The following PLA2G2F variants were observed in gnomAD, a reference collection of about 807,000 sequenced individuals.
PLA2G2F encodes phospholipase A2 group IIF.
A neutral mutation model predicts 15.9 loss-of-function variants in PLA2G2F; 17 were observed. The observed-to-expected ratio is 1.07, with a 90% CI of 0.73 to 1.60. The LOEUF (loss-of-function observed/expected upper bound fraction) is 1.60. Among genes scored for constraint, PLA2G2F ranks in the 40% most tolerant of loss-of-function variants. The pLI is 0.00. For missense variants in PLA2G2F, 299 were observed against 278.2 expected, an observed-to-expected ratio of 1.07 and a Z score of -0.53; for synonymous variants, 119 against 106.5, an observed-to-expected ratio of 1.12 and a Z score of -0.72.
intron 3 of PLA2G2F, 124 bp downstream of exon 3, chr1:20,143,714 ATGACTTGG>A (rs2017527432): frequency 1.0e-5 from 13 of 1,252,594 alleles, no homozygotes; most frequent in Non-Finnish European, 1.2e-5. Context: ...AGCTTCTTTG[ATGACTTGG>A]TGACCAGAGC....
Position 20,143,272 on chromosome 1 carries a change from C to T in PLA2G2F, c.170-174C>T, listed in dbSNP as rs2017513385. ...ACATGGTACCTTGCAGATTTCTTTC[C>T]TCTGGCTTAGCTGCCCACGCTTCTT... On this transcript the variant is annotated intron_variant, in intron 2 of 4. Transcript: ENST00000375102. 3.9e-6 allele frequency: 3 copies of T among 759,688 alleles called. No individual in the cohort carries two copies. The South Asian group carries it at 6.0e-5, about 15-fold the overall frequency. 47.1% of individuals were successfully genotyped at this position (759,688 alleles called of 1,614,324 possible). A position where few individuals can be genotyped will look rare whatever the true frequency, so the allele number is the denominator to read the frequency against.
intron 4 of PLA2G2F, among the ~76,000 whole-genome samples, chr1:20,146,166 C>G (rs1037522359): frequency 6.6e-6 from 1 of 152,206 alleles, no homozygotes; most frequent in African/African-American, 2.4e-5. Context: ...TGCAGGGAGG[C>G]TCTGAGACAT....
Position 20,143,604 on chromosome 1 carries a change from G to C in PLA2G2F, c.314+14G>C. The C allele has an allele frequency of 6.2e-7, 1 of 1,611,292 alleles. No homozygotes were observed. Among genetic ancestry groups the C allele is most frequent in the Non-Finnish European group, 8.5e-7 (1 of 1,177,932 alleles). On this transcript the variant is annotated intron_variant, in intron 3 of 4. Coordinates refer to ENST00000375102, the MANE Select transcript of PLA2G2F (RefSeq NM_022819.4). ...TGAGGTGGACTGGTAGGTACCAGAG[G>C]CCTGGGCTCCTGTCAGGGGCCAAAT...
At position 20,144,641 on chromosome 1, in the gene PLA2G2F, G is replaced by A; in HGVS notation, c.376G>A (p.Val126Met). Residue 126 changes from valine to methionine, a missense_variant, in exon 4 of 5, where the codon GTG becomes ATG. Coordinates refer to ENST00000375102, the MANE Select transcript of PLA2G2F (RefSeq NM_022819.4). ...CTTTGACCAAGGCTGTCACCCCTAT[G>A]TGGACCACTATGATCACACCATCGA... ...ELFDQGCHPY[V>M]DHYDHTIENN... The A allele has an allele frequency of 6.2e-7, 1 of 1,612,250 alleles. No individual in the cohort carries two copies.
chr1:20,140,395 C>T, intron 2 of PLA2G2F, 177 bp downstream of exon 2: 1 of 626,476 alleles, frequency 1.6e-6, no homozygotes, highest in East Asian at 2.9e-5. Context: ...TTTACCCCTC[C>T]AGCCACCTGT....
At chr1:20,147,602 C>T (rs1429389061) in intron 4 of PLA2G2F, among the ~76,000 whole-genome samples, 2 of 152,144 alleles carry the variant, frequency 1.3e-5, no homozygotes, top group African/African-American at 2.4e-5. Context: ...GCGTCCACCA[C>T]CACGCCTGGC....
At position 20,148,584 on chromosome 1, in the gene PLA2G2F, C is replaced by G; in HGVS notation, c.*183C>G. ...AGGCCTGGGTCCTGACTCCCCCAGC[C>G]CAGCCCCAGGCATGGGTGCCTCCTG... On this transcript the variant is annotated 3_prime_UTR_variant, in exon 5 of 5. Coordinates refer to ENST00000375102, the MANE Select transcript of PLA2G2F (RefSeq NM_022819.4). 1 of 605,524 alleles carries G rather than the reference C, an allele frequency of 1.7e-6. No homozygotes were observed. 37.5% of individuals were successfully genotyped at this position (605,524 alleles called of 1,614,324 possible).
At chr1:20,143,308 C>G (rs1569896216) in intron 2 of PLA2G2F, 138 bp from the exon 3 acceptor site, 1 of 1,145,426 alleles carries the variant, frequency 8.7e-7, no homozygotes, top group East Asian at 2.4e-5. Context: ...GCCCCAGCTT[C>G]CTCTCCTGCT....
Position 20,141,408 on chromosome 1 carries a change from GGTGA to G in PLA2G2F, c.169+1194_169+1197del, listed in dbSNP as rs10580056. The stretch of plus-strand genomic sequence containing the variant: ...GTGTTGAGTGTATCAGGTATGTGGG[GGTGA>G]GTGTGAGTTTGAGGTGTCTGGGAAT... On this transcript the variant is annotated intron_variant, in intron 2 of 4. Transcript: ENST00000375102. 0.03 allele frequency: 4,580 copies of G among 152,924 alleles called. 381 individuals carry two copies. In the East Asian group the frequency reaches 0.36, roughly 12 times the overall value. 9.5% of individuals were successfully genotyped at this position (152,924 alleles called of 1,614,324 possible).
At chr1:20,144,837 G>A (rs897063653) in intron 4 of PLA2G2F, 148 bp downstream of exon 4, 1 of 667,866 alleles carries the variant, frequency 1.5e-6, no homozygotes, top group Non-Finnish European at 2.6e-6. Flanking sequence ...AGCACTTTGG[G>A]AGGCCGAGGC....
chr1:20,143,451 T>C lies in PLA2G2F; in HGVS notation c.175T>C (p.Ser59Pro). Residue 59 changes from serine (S) to proline (P), a missense_variant, in exon 3 of 5, where the codon TCC (serine) becomes CCC (proline). Physicochemically the swap from Ser to Pro is moderately conservative, Grantham distance 74. Coordinates refer to ENST00000375102, the MANE Select transcript of PLA2G2F (RefSeq NM_022819.4). ...TVAILAGSVL[S>P]TAHGSLLNLK... is the part of the protein sequence containing the mutation. ...ACCCCCTGGTTCTCTTGCAGTTCTGTCCACAGCTCACGGCAGCCTGCTCAA... is the reference window on the plus strand; with the variant it reads ...ACCCCCTGGTTCTCTTGCAGTTCTGCCCACAGCTCACGGCAGCCTGCTCAA... 1 of 1,613,720 alleles carries C rather than the reference T, an allele frequency of 6.2e-7. No individual in the cohort carries two copies. The highest frequency in any genetic ancestry group is 1.1e-5 in the South Asian group (1 of 91,064).
intron 2 of PLA2G2F, 165 bp from the exon 3 acceptor site, chr1:20,143,281 A>G: frequency 2.5e-6 from 2 of 810,560 alleles, no homozygotes; most frequent in Non-Finnish European, 3.9e-6. Context: ...CCTCTGGCTT[A>G]GCTGCCCACG....
Position 20,148,219 on chromosome 1 carries a change from C to G in PLA2G2F, c.454C>G (p.Gln152Glu). The change falls in exon 5 of 5, where the codon CAG (glutamine) becomes GAG (glutamate). Residue 152 changes from glutamine (Q) to glutamate (E), a missense_variant. Physicochemically the swap from Gln to Glu is conservative, Grantham distance 29 (BLOSUM62 2). Coordinates refer to ENST00000375102, the MANE Select transcript of PLA2G2F (RefSeq NM_022819.4). ...SDLNKTECDK[Q>E]TCMCDKNMVL... is the part of the protein sequence containing the mutation. Reference sequence around the variant, plus strand: ...CCTCAACAAGACAGAGTGTGACAAGCAGACATGCATGTGTGACAAGAACAT... The same window carrying G: ...CCTCAACAAGACAGAGTGTGACAAGGAGACATGCATGTGTGACAAGAACAT... The G allele has an allele frequency of 2.5e-6, 4 of 1,614,080 alleles. No individual in the cohort carries two copies. Among genetic ancestry groups the G allele is most frequent in the Non-Finnish European group, 3.4e-6 (4 of 1,179,996 alleles).
At position 20,140,235 on chromosome 1, in the gene PLA2G2F, G is replaced by C. The variant is rs779629443; in HGVS notation, c.169+17G>C. On this transcript the variant is annotated intron_variant, in intron 2 of 4. Coordinates refer to ENST00000375102, the MANE Select transcript of PLA2G2F (RefSeq NM_022819.4). ...CTGGCAGCGGTGAGTAAAGACTCCAGAGGGCTCCTCCTTCTCTCCCACTCC... is the reference window on the plus strand; with the variant it reads ...CTGGCAGCGGTGAGTAAAGACTCCACAGGGCTCCTCCTTCTCTCCCACTCC... The C allele has an allele frequency of 3.7e-6, 6 of 1,612,662 alleles. No individual in the cohort carries two copies. In the Admixed American group the frequency reaches 1.0e-4, roughly 27 times the overall value.
chr1:20,143,624 C>A, intron 3 of PLA2G2F, 34 bp downstream of exon 3: 2 of 1,605,522 alleles, frequency 1.2e-6, no homozygotes, highest in Middle Eastern at 1.7e-4. Flanking sequence ...CTGTCAGGGG[C>A]CAAATGAGGA....
chr1:20,147,562 C>T (rs946159847), intron 4 of PLA2G2F, among the ~76,000 whole-genome samples: 6 of 152,048 alleles, frequency 3.9e-5, no homozygotes, highest in African/African-American at 1.4e-4. Flanking sequence ...AATTCTCCTG[C>T]CTCAGTCTCC....
intron 3 of PLA2G2F, among the ~76,000 whole-genome samples, 183 bp from the exon 4 acceptor site, chr1:20,144,397 G>T (rs2017542027): frequency 6.6e-6 from 1 of 152,226 alleles, no homozygotes; most frequent in African/African-American, 2.4e-5. Flanking sequence ...GTGAGAATCA[G>T]AACCTGGGGT....
chr1:20,147,918 C>T (rs1328006430), intron 4 of PLA2G2F, among the ~76,000 whole-genome samples: 1 of 152,164 alleles, frequency 6.6e-6, no homozygotes, highest in East Asian at 1.9e-4. Context: ...TATGCAATAA[C>T]TGTGTTGGGC....
intron 1 of PLA2G2F, 35 bp downstream of exon 1, chr1:20,139,578 G>T: frequency 7.1e-7 from 1 of 1,413,778 alleles, no homozygotes; most frequent in South Asian, 1.4e-5. Flanking sequence ...GAATCCTCCA[G>T]GGAGGGGCAG....
Sources: allele counts gnomAD v4.1 joint callset (sites outside exome capture counted in the v4.1 genomes callset), GRCh38; gene constraint gnomAD v4.1.1; transcripts MANE v1.5; gene names NCBI Gene and HGNC (gene_info 2026-07-23, HGNC 2026-07-21).